The following GAB2 variants were observed in gnomAD, a reference collection of about 807,000 sequenced individuals.
GAB2 encodes the protein GRB2 associated binding protein 2.
A neutral mutation model predicts 65.5 loss-of-function variants in GAB2; 26 were observed. The observed-to-expected ratio is 0.40, with a 90% confidence interval of 0.29 to 0.55. GAB2 has a LOEUF of 0.55. Ranked by LOEUF, GAB2 falls within the 20% of genes least tolerant of loss-of-function variation. The probability of loss-of-function intolerance (pLI) is 0.53; values close to 1 mark genes in which losing one functional copy is unlikely to be tolerated. For synonymous variants in GAB2, 321 were observed against 329.6 expected (o/e 0.97, Z 0.28); for missense variants, 884 against 875.8 (o/e 1.01, Z -0.12).
At chr11:78,367,230 T>C (rs1030891582) in intron 1 of GAB2, among the ~76,000 whole-genome samples, 22 of 152,174 alleles carry the variant, frequency 1.4e-4, no homozygotes, top group African/African-American at 3.9e-4. Flanking sequence ...TTAACCTACT[T>C]TGTGCCAGAC....
At chr11:78,295,361 C>T (rs187735473) in intron 1 of GAB2, among the ~76,000 whole-genome samples, 8 of 152,290 alleles carry the variant, frequency 5.3e-5, no homozygotes, top group East Asian at 3.9e-4. Context: ...TTGCTACCAC[C>T]GGAGTAACTC....
chr11:78,322,812 A>C (rs1591037690), intron 1 of GAB2, among the ~76,000 whole-genome samples: 1 of 151,336 alleles, frequency 6.6e-6, no homozygotes, highest in Non-Finnish European at 1.5e-5. Context: ...AAAAAAAAAA[A>C]ACAACAACAG....
rs776919666 is a variant in GAB2 at position 78,223,397 on chromosome 11, A to G, written c.1567+15T>C. ...CCACTGTCCAGAGATGGGACAGGGG[A>G]AAGAATGGACTTACCTTTCCGATCA... is the stretch of plus-strand genomic sequence containing the variant. On this transcript the variant is annotated intron_variant, in intron 6 of 9. Coordinates refer to ENST00000361507, the MANE Select transcript of GAB2 (RefSeq NM_080491.3). 1 of 1,505,104 alleles carries G rather than the reference A, an allele frequency of 6.6e-7. No homozygotes were observed. The allele number at this position is 1,505,104 out of a possible 1,614,324, so 93.2% of individuals were successfully genotyped here. A position where few individuals can be genotyped will look rare whatever the true frequency, so the allele number is the denominator to read the frequency against.
At chr11:78,365,865 T>C (rs2134722134) in intron 1 of GAB2, among the ~76,000 whole-genome samples, 1 of 152,316 alleles carries the variant, frequency 6.6e-6, no homozygotes. Flanking sequence ...TGACAAGTCC[T>C]CCATAATTCT....
chr11:78,233,580 G>A (rs540110850), intron 3 of GAB2, among the ~76,000 whole-genome samples: 51 of 152,182 alleles, frequency 3.4e-4, no homozygotes, highest in African/African-American at 1.1e-3. Context: ...AGATATGCGC[G>A]TTGAATATTT....
intron 3 of GAB2, 131 bp from the exon 4 acceptor site, chr11:78,227,182 A>G: frequency 1.5e-6 from 1 of 651,430 alleles, no homozygotes; most frequent in Admixed American, 2.5e-5. Context: ...GCATATTTTG[A>G]AGGTTGTTCA....
intron 1 of GAB2, among the ~76,000 whole-genome samples, chr11:78,394,277 G>C (rs549347123): frequency 6.6e-6 from 1 of 152,072 alleles, no homozygotes; most frequent in South Asian, 2.1e-4. Flanking sequence ...GACAGAGCAA[G>C]ACTCCATCTC....
At chr11:78,272,948 G>A (rs1342240239) in intron 2 of GAB2, among the ~76,000 whole-genome samples, 1 of 152,258 alleles carries the variant, frequency 6.6e-6, no homozygotes, top group Non-Finnish European at 1.5e-5. Flanking sequence ...TTGCTTCAGA[G>A]GGTGGAAGCC....
intron 1 of GAB2, among the ~76,000 whole-genome samples, chr11:78,316,886 A>T (rs983992293): frequency 6.6e-6 from 1 of 152,236 alleles, no homozygotes; most frequent in African/African-American, 2.4e-5. Flanking sequence ...GAAGCTACCC[A>T]CATGTCACTG....
At chr11:78,394,631 G>T (rs1311524611) in intron 1 of GAB2, among the ~76,000 whole-genome samples, 1 of 152,222 alleles carries the variant, frequency 6.6e-6, no homozygotes, top group African/African-American at 2.4e-5. Flanking sequence ...TCTGGACAGA[G>T]GAAGGAGAAA....
chr11:78,328,295 C>G (rs1249738255), intron 1 of GAB2, among the ~76,000 whole-genome samples: 1 of 152,178 alleles, frequency 6.6e-6, no homozygotes, highest in Non-Finnish European at 1.5e-5. Flanking sequence ...TCTTCCCAAT[C>G]AGCAGTCCAT....
At chr11:78,258,360 C>T (rs1865648646) in intron 2 of GAB2, among the ~76,000 whole-genome samples, 1 of 152,146 alleles carries the variant, frequency 6.6e-6, no homozygotes, top group South Asian at 2.1e-4. Context: ...TTCCAAAAAC[C>T]TTCCTTTGGA....
intron 1 of GAB2, among the ~76,000 whole-genome samples, chr11:78,289,622 AT>A (rs896187157): frequency 1.3e-5 from 2 of 152,062 alleles, no homozygotes; most frequent in African/African-American, 4.8e-5. Context: ...AAACTAGAAG[AT>A]TTTTTTGTAA....
chr11:78,295,251 G>C (rs930672456), intron 1 of GAB2, among the ~76,000 whole-genome samples: 9 of 152,148 alleles, frequency 5.9e-5, no homozygotes, highest in Non-Finnish European at 1.3e-4. Context: ...GCCAGATTTA[G>C]ATTTTCCCCT....
chr11:78,245,115 TCA>T (rs1340987001), intron 3 of GAB2, among the ~76,000 whole-genome samples: 2 of 152,090 alleles, frequency 1.3e-5, no homozygotes, highest in African/African-American at 2.4e-5. Context: ...GAAGTCAGAC[TCA>T]CACAGACAGA....
chr11:78,292,638 C>T (rs1264568145), intron 1 of GAB2, among the ~76,000 whole-genome samples: 1 of 152,196 alleles, frequency 6.6e-6, no homozygotes, highest in African/African-American at 2.4e-5. Context: ...TAATAGTTAA[C>T]AGCAAACATT....
At chr11:78,304,522 T>C (rs1855307579) in intron 1 of GAB2, among the ~76,000 whole-genome samples, 1 of 152,228 alleles carries the variant, frequency 6.6e-6, no homozygotes, top group African/African-American at 2.4e-5. Flanking sequence ...ATTACAATCT[T>C]AGACTCTGGA....
intron 1 of GAB2, among the ~76,000 whole-genome samples, chr11:78,290,653 C>G (rs1866639076): frequency 6.6e-6 from 1 of 152,162 alleles, no homozygotes; most frequent in South Asian, 2.1e-4. Flanking sequence ...CACCAGGATT[C>G]TGCAAGATTC....
At chr11:78,388,471 G>T (rs1054461463) in intron 1 of GAB2, among the ~76,000 whole-genome samples, 2 of 152,004 alleles carry the variant, frequency 1.3e-5, no homozygotes, top group African/African-American at 2.4e-5. Flanking sequence ...GGACTACAGG[G>T]ATGTGCCACC....
Sources: gnomAD v4.1 joint callset for allele counts (sites outside exome capture counted in the v4.1 genomes callset) on GRCh38, gnomAD v4.1.1 for gene constraint, MANE v1.5 for transcripts, NCBI Gene and HGNC (gene_info 2026-07-23, HGNC 2026-07-21) for gene names.